ATP10A: variants seen among roughly 807,000 people sequenced by gnomAD.
ATP10A encodes the protein ATPase phospholipid transporting 10A (putative).
Under a neutral mutation model 147.8 loss-of-function variants are expected in ATP10A, and 111 were observed. The ratio of observed to expected loss-of-function variants is 0.75; its 90% CI spans 0.64 to 0.88. The LOEUF is 0.88. Ranked by LOEUF, ATP10A falls within the 40% of genes least tolerant of loss-of-function variation. ATP10A has a pLI of 0.00. For missense variants in ATP10A, 1,927 were observed against 1,959.0 expected, an observed-to-expected ratio of 0.98 and a Z score of 0.31; for synonymous variants, 875 against 841.6, an observed-to-expected ratio of 1.04 and a Z score of -0.69.
chr15:25,851,274 T>C (rs894804609), intron 1 of ATP10A, among the ~76,000 whole-genome samples: 1 of 152,104 alleles, frequency 6.6e-6, no homozygotes, highest in Non-Finnish European at 1.5e-5. Context: ...AGCACCTTTC[T>C]GAGAAGACTT....
intron 1 of ATP10A, among the ~76,000 whole-genome samples, chr15:25,842,601 G>A (rs372107257): frequency 2.6e-5 from 4 of 152,248 alleles, no homozygotes; most frequent in Middle Eastern, 3.4e-3. Flanking sequence ...TTCTATAGGA[G>A]CCAAATGATT....
At chr15:25,817,372 C>T (rs943303739) in intron 1 of ATP10A, among the ~76,000 whole-genome samples, 7 of 152,288 alleles carry the variant, frequency 4.6e-5, no homozygotes, top group East Asian at 3.9e-4. Flanking sequence ...CGTGAGCCAC[C>T]GCACCCAGCC....
At chr15:25,730,750 T>C (rs1228746696) in intron 3 of ATP10A, among the ~76,000 whole-genome samples, 1 of 152,070 alleles carries the variant, frequency 6.6e-6, no homozygotes, top group Admixed American at 6.5e-5. Flanking sequence ...AATAATCAGA[T>C]GTTCATATTT....
At chr15:25,793,127 T>A (rs1220237777) in intron 1 of ATP10A, among the ~76,000 whole-genome samples, 1 of 152,144 alleles carries the variant, frequency 6.6e-6, no homozygotes, top group Admixed American at 6.5e-5. Context: ...CACCTCGGCC[T>A]CCCAAAGTGC....
intron 1 of ATP10A, among the ~76,000 whole-genome samples, chr15:25,792,453 C>A (rs1204568795): frequency 6.6e-6 from 1 of 152,190 alleles, no homozygotes; most frequent in East Asian, 1.9e-4. Flanking sequence ...GCGGGATGCC[C>A]CAAAGCCTCA....
At chr15:25,864,518 C>T (rs896895992), upstream of ATP10A, among the ~76,000 whole-genome samples, 10 of 152,280 alleles carry the variant, frequency 6.6e-5, no homozygotes, top group African/African-American at 2.4e-4. Context: ...CTGGCTTACC[C>T]GGCTCCAGTT....
chr15:25,756,338 T>C (rs1242899091), intron 2 of ATP10A, among the ~76,000 whole-genome samples: 2 of 152,204 alleles, frequency 1.3e-5, no homozygotes, highest in Non-Finnish European at 2.9e-5. Flanking sequence ...CTCGGATTAA[T>C]TGGCTTAAAG....
intron 2 of ATP10A, among the ~76,000 whole-genome samples, chr15:25,772,730 T>C (rs902170839): frequency 2.0e-5 from 3 of 152,158 alleles, no homozygotes; most frequent in African/African-American, 7.2e-5. Context: ...TCCTAACCTA[T>C]GAACACCCCG....
chr15:25,799,726 C>T (rs1278158361), intron 1 of ATP10A, among the ~76,000 whole-genome samples: 1 of 152,064 alleles, frequency 6.6e-6, no homozygotes, highest in Admixed American at 6.6e-5. Flanking sequence ...GAGCAGGACC[C>T]TGTCTCAAAA....
intron 2 of ATP10A, among the ~76,000 whole-genome samples, chr15:25,761,173 G>T (rs918497653): frequency 1.3e-5 from 2 of 151,956 alleles, no homozygotes; most frequent in African/African-American, 4.8e-5. Context: ...AAAGTCAGAC[G>T]AAAAAAGGAC....
chr15:25,818,171 T>C (rs1187276758), intron 1 of ATP10A, among the ~76,000 whole-genome samples: 1 of 152,142 alleles, frequency 6.6e-6, no homozygotes, highest in East Asian at 1.9e-4. Context: ...CACATAAATA[T>C]CTCATACTAT....
intron 1 of ATP10A, chr15:25,862,253 T>C: frequency 8.4e-6 from 4 of 477,478 alleles, no homozygotes; most frequent in Non-Finnish European, 1.7e-5. Context: ...CAGAGACCAC[T>C]GTGCCTGGCC....
At chr15:25,695,551 C>T (rs1192659530) in intron 13 of ATP10A, among the ~76,000 whole-genome samples, 1 of 152,110 alleles carries the variant, frequency 6.6e-6, no homozygotes, top group Non-Finnish European at 1.5e-5. Context: ...ATGGCATGAA[C>T]CTGGGAGGCG....
chr15:25,845,463 TCA>T (rs1426827603), intron 1 of ATP10A, among the ~76,000 whole-genome samples: 1 of 152,058 alleles, frequency 6.6e-6, no homozygotes. Context: ...TGCCTCGAGC[TCA>T]CAGTCATGTC....
intron 2 of ATP10A, among the ~76,000 whole-genome samples, chr15:25,752,921 G>C (rs1375096530): frequency 2.6e-5 from 4 of 151,774 alleles, no homozygotes; most frequent in Non-Finnish European, 5.9e-5. Flanking sequence ...TCTACATGCT[G>C]TTTTCTCTAA....
At position 25,718,827 on chromosome 15, in the gene ATP10A, C is replaced by T. The variant is rs1488758326; in HGVS notation, c.1364-428G>A. On this transcript the variant is annotated intron_variant, in intron 7 of 20. Coordinates refer to ENST00000555815, the MANE Select transcript of ATP10A (RefSeq NM_024490.4). ...CACCTGGTGCTGAGCTCCTTGCCCA[C>T]ATGGACGGTGGCCACCATCTGCTCC... Among the ~76,000 whole-genome samples, 4 of 152,144 alleles carry T rather than the reference C, an allele frequency of 2.6e-5. No homozygotes were observed. The East Asian group carries it at 7.7e-4, about 29-fold the overall frequency.
At chr15:25,707,669 C>T (rs902567483) in intron 12 of ATP10A, among the ~76,000 whole-genome samples, 4 of 152,140 alleles carry the variant, frequency 2.6e-5, no homozygotes, top group Non-Finnish European at 4.4e-5. Context: ...GGGGAAAATC[C>T]TTTCAACTCC....
intron 1 of ATP10A, among the ~76,000 whole-genome samples, chr15:25,789,884 A>T (rs571165467): frequency 6.6e-6 from 1 of 152,280 alleles, no homozygotes; most frequent in South Asian, 2.1e-4. Flanking sequence ...TACAACCTAA[A>T]ACAGCTCCAA....
chr15:25,741,753 C>T (rs1887590983), intron 2 of ATP10A, among the ~76,000 whole-genome samples: 1 of 152,188 alleles, frequency 6.6e-6, no homozygotes, highest in Admixed American at 6.6e-5. Context: ...GTCAGGTGAA[C>T]ATTTTCAATT....
Sources: gnomAD v4.1 joint callset for allele counts (sites outside exome capture counted in the v4.1 genomes callset) on GRCh38, gnomAD v4.1.1 for gene constraint, MANE v1.5 for transcripts, NCBI Gene and HGNC (gene_info 2026-07-23, HGNC 2026-07-21) for gene names.